The following SLC38A9 variants were observed in gnomAD, a reference collection of about 807,000 sequenced individuals.
SLC38A9 encodes the protein neutral amino acid transporter 9.
In SLC38A9, 48 loss-of-function variants were observed where a neutral mutation model predicts 62.3. The observed-to-expected ratio is 0.77, with a 90% CI of 0.61 to 0.98. The LOEUF (loss-of-function observed/expected upper bound fraction) is 0.98. Among genes scored for constraint, SLC38A9 ranks in the 50% least tolerant of loss-of-function variants. The pLI is 0.00. For missense variants in SLC38A9, 541 were observed against 679.8 expected (o/e 0.80, Z 2.27); for synonymous variants, 204 against 227.7 (o/e 0.90, Z 0.94).
chr5:55,633,583 T>A, intron 14 of SLC38A9, 171 bp downstream of exon 14: 1 of 753,980 alleles, frequency 1.3e-6, no homozygotes, highest in South Asian at 2.1e-5. Context: ...GACAAGGGAG[T>A]GGCTTCTATT....
chr5:55,696,007 G>T (rs1178663495), intron 3 of SLC38A9: 3 of 93,548 alleles, frequency 3.2e-5, no homozygotes, highest in Admixed American at 1.0e-4. Flanking sequence ...GGACGGGGCA[G>T]CTGGCCGGGC....
At chr5:55,656,934 T>TA (rs1447473262) in intron 8 of SLC38A9, among the ~76,000 whole-genome samples, 160 bp from the exon 9 acceptor site, 3 of 152,026 alleles carry the variant, frequency 2.0e-5, no homozygotes, top group Non-Finnish European at 2.9e-5. Flanking sequence ...GATCTTGGCT[T>TA]ACTGCAAGCT....
At chr5:55,685,307 G>A (rs1183032663) in intron 3 of SLC38A9, among the ~76,000 whole-genome samples, 1 of 152,026 alleles carries the variant, frequency 6.6e-6, no homozygotes, top group African/African-American at 2.4e-5. Flanking sequence ...TCTACTTTCT[G>A]TTTCTATGGC....
intron 3 of SLC38A9, chr5:55,696,737 C>T (rs1282335201): frequency 2.3e-4 from 34 of 145,166 alleles, no homozygotes; most frequent in African/African-American, 3.9e-4. Context: ...GGGTGGCTGC[C>T]GGGCGGAGAC....
intron 9 of SLC38A9, 39 bp from the exon 10 acceptor site, chr5:55,652,762 A>G: frequency 7.0e-7 from 1 of 1,431,338 alleles, no homozygotes; most frequent in Non-Finnish European, 9.4e-7. Context: ...AGATGACAAA[A>G]AACAAAACAA....
chr5:55,678,148 C>T (rs7381182), intron 3 of SLC38A9, among the ~76,000 whole-genome samples: 79,649 of 137,832 alleles, frequency 0.58, 23,793 homozygotes, highest in South Asian at 0.69. Flanking sequence ...GTTTTTTTTT[C>T]TTTTTTTGAG....
chr5:55,633,848 A>C lies in SLC38A9; in HGVS notation c.1336T>G (p.Phe446Val). 1 of 1,613,942 alleles carries C rather than the reference A, an allele frequency of 6.2e-7. No individual in the cohort carries two copies. The highest frequency in any genetic ancestry group is 8.5e-7 in the Non-Finnish European group (1 of 1,179,932). Residue 446 changes from phenylalanine (F) to valine (V), a missense_variant, in exon 14 of 16, where the codon TTC becomes GTC. Transcript: ENST00000396865. ...ACAGTCATCATCTGGAACAGCAGGA[A>C]TATCCTTGCAATGAAGGACAGGGTG... ...SDTLSFIARIFLLFQMMTVYP... is the reference protein window; with the variant it reads ...SDTLSFIARIVLLFQMMTVYP...
chr5:55,647,042 G>T (rs1444530394), intron 11 of SLC38A9, among the ~76,000 whole-genome samples: 2 of 152,134 alleles, frequency 1.3e-5, no homozygotes. Flanking sequence ...GAGCCATTGT[G>T]CCTGGCCTAC....
chr5:55,683,389 G>A (rs1393358339), intron 3 of SLC38A9, among the ~76,000 whole-genome samples: 2 of 152,090 alleles, frequency 1.3e-5, no homozygotes, highest in Non-Finnish European at 2.9e-5. Context: ...AAAGTTTTAA[G>A]AAAATGAGTT....
Position 55,672,712 on chromosome 5 carries a change from C to T in SLC38A9, c.114-17G>A, listed in dbSNP as rs753602463. ...CAGAAAGGCCTACAAAGGGAATATA[C>T]ACTTGACAAAAAGTGTTCAGCCAAA... On this transcript the variant is annotated splice_polypyrimidine_tract_variant and intron_variant, in intron 3 of 15. Coordinates refer to ENST00000396865, the MANE Select transcript of SLC38A9 (RefSeq NM_173514.4). The T allele has an allele frequency of 1.9e-5, 30 of 1,598,190 alleles. No individual in the cohort carries two copies. In the Admixed American group the frequency reaches 4.8e-4, roughly 26 times the overall value.
intron 13 of SLC38A9, chr5:55,634,110 G>C (rs1743970284): frequency 2.5e-6 from 1 of 393,644 alleles, no homozygotes. Flanking sequence ...ACAGGAATCT[G>C]ACATTGCCAC....
intron 13 of SLC38A9, chr5:55,634,762 A>C (rs1744066180): frequency 6.6e-6 from 1 of 152,216 alleles, no homozygotes; most frequent in African/African-American, 2.4e-5. Flanking sequence ...ATTCAGCTGT[A>C]ATAAATCACA....
chr5:55,703,725 T>A (rs115631300), intron 2 of SLC38A9, among the ~76,000 whole-genome samples: 1,665 of 152,346 alleles, frequency 0.011, 17 homozygotes, highest in South Asian at 0.045. Context: ...AAAATTAACC[T>A]ACTAATTTAT....
rs527824516 is a variant in SLC38A9, at chr5:55,704,543, G to T, written c.-34-6551C>A. The T allele has an allele frequency of 6.0e-5, 8 of 133,628 alleles. No individual in the cohort carries two copies. In the South Asian group the frequency reaches 2.2e-3, roughly 37 times the overall value. The allele number at this position is 133,628 out of a possible 1,614,324, so 8.3% of individuals were successfully genotyped here. ...GTAAGAGTTTACTATTATTATTTTTGAACTTAACGAAGGTTAATAAAATTT... is the reference window on the plus strand; with the variant it reads ...GTAAGAGTTTACTATTATTATTTTTTAACTTAACGAAGGTTAATAAAATTT... On this transcript the variant is annotated intron_variant, in intron 2 of 15. Transcript: ENST00000396865.
At chr5:55,653,342 G>C (rs1019417793) in intron 9 of SLC38A9, among the ~76,000 whole-genome samples, 1 of 152,126 alleles carries the variant, frequency 6.6e-6, no homozygotes, top group Non-Finnish European at 1.5e-5. Flanking sequence ...CATTGCCAGA[G>C]AGAAAATACT....
At chr5:55,705,864 C>A (rs1757228782) in intron 2 of SLC38A9, among the ~76,000 whole-genome samples, 1 of 152,046 alleles carries the variant, frequency 6.6e-6, no homozygotes, top group Admixed American at 6.6e-5. Context: ...CCTGCCACCA[C>A]ACCCAGCTAA....
chr5:55,626,481 C>A lies in SLC38A9; in HGVS notation c.*13G>T, dbSNP rs1561287346. Reference sequence around the variant, plus strand: ...ATATCATGAGAGCTCTTGAAAAAAACAGTTGAGGTATTTCACATAAAAAAC... The same window carrying A: ...ATATCATGAGAGCTCTTGAAAAAAAAAGTTGAGGTATTTCACATAAAAAAC... On this transcript the variant is annotated 3_prime_UTR_variant, in exon 16 of 16. Transcript: ENST00000396865. 6.2e-7 allele frequency: 1 copy of A among 1,601,118 alleles called. No homozygotes were observed. The highest frequency in any genetic ancestry group is 1.1e-5 in the South Asian group (1 of 89,706).
intron 2 of SLC38A9, among the ~76,000 whole-genome samples, chr5:55,706,966 G>C (rs1757371282): frequency 6.7e-6 from 1 of 150,056 alleles, no homozygotes; most frequent in Non-Finnish European, 1.5e-5. Flanking sequence ...TTTTGAGACA[G>C]GGTCTCACTC....
At chr5:55,645,957 CA>C in intron 11 of SLC38A9, 62 bp from the exon 12 acceptor site, 2 of 998,930 alleles carry the variant, frequency 2.0e-6, no homozygotes, top group African/African-American at 1.6e-5. Context: ...TATTGGTAGC[CA>C]AAAGTTGACT....
Sources: allele counts gnomAD v4.1 joint callset (sites outside exome capture counted in the v4.1 genomes callset), GRCh38; gene constraint gnomAD v4.1.1; transcripts MANE v1.5; gene names NCBI Gene and HGNC (gene_info 2026-07-23, HGNC 2026-07-21).